The following PCCB variants were observed in gnomAD, a reference collection of about 807,000 sequenced individuals.
The protein encoded by PCCB is propionyl-CoA carboxylase beta chain, mitochondrial.
In PCCB, 43 loss-of-function variants were observed where a neutral mutation model predicts 60.7. The ratio of observed to expected loss-of-function variants is 0.71; its 90% CI spans 0.55 to 0.91. PCCB has a LOEUF of 0.91. PCCB is among the 40% of genes least tolerant of loss of function. The pLI, the probability that PCCB is intolerant of heterozygous loss-of-function variation, is 0.00. For missense variants in PCCB, 766 were observed against 702.8 expected (o/e 1.09, Z -1.02); for synonymous variants, 276 against 255.9 (o/e 1.08, Z -0.75).
chr3:136,289,789 C>CTTTTT (rs147625921), intron 6 of PCCB, among the ~76,000 whole-genome samples: 1 of 141,796 alleles, frequency 7.1e-6, no homozygotes, highest in Non-Finnish European at 1.5e-5. Flanking sequence ...ACATGTTATA[C>CTTTTT]TTTTTTTTTA....
chr3:136,259,215 T>G, intron 3 of PCCB: 1 of 1,368,788 alleles, frequency 7.3e-7, no homozygotes, highest in African/African-American at 1.5e-5. Context: ...GCTTGTCATC[T>G]CAGCACTTTG....
intron 5 of PCCB, among the ~76,000 whole-genome samples, chr3:136,277,223 A>T (rs937567775): frequency 6.6e-6 from 1 of 152,194 alleles, no homozygotes; most frequent in Admixed American, 6.5e-5. Flanking sequence ...ACGTGGACAG[A>T]TGCAGGACCT....
At chr3:136,310,188 A>C (rs1051134268) in intron 9 of PCCB, among the ~76,000 whole-genome samples, 3 of 152,020 alleles carry the variant, frequency 2.0e-5, no homozygotes, top group Non-Finnish European at 4.4e-5. Context: ...ACATGGAGAA[A>C]CCTCGTCTTT....
intron 9 of PCCB, among the ~76,000 whole-genome samples, chr3:136,310,985 A>G (rs990229076): frequency 6.6e-6 from 1 of 152,200 alleles, no homozygotes; most frequent in Non-Finnish European, 1.5e-5. Context: ...CACCTAATAA[A>G]GACTAGCTTC....
intron 1 of PCCB, among the ~76,000 whole-genome samples, chr3:136,253,204 C>T (rs921714552): frequency 9.9e-5 from 15 of 150,938 alleles, no homozygotes; most frequent in Admixed American, 8.6e-4. Flanking sequence ...GTTCTCCTGC[C>T]TCAGCCTCCT....
chr3:136,256,076 C>A, intron 2 of PCCB, 101 bp downstream of exon 2: 1 of 1,537,592 alleles, frequency 6.5e-7, no homozygotes, highest in Non-Finnish European at 9.0e-7. Flanking sequence ...CTGAAGTCCT[C>A]TGCAGAGGCA....
In PCCB at chr3:136,296,444, T is replaced by C. The variant is rs75264286; in HGVS notation, c.764-1508T>C. Among the ~76,000 whole-genome samples the C allele has an allele frequency of 3.9e-5, 6 of 152,372 alleles. No individual in the cohort carries two copies. In the East Asian group the frequency reaches 9.6e-4, roughly 24 times the overall value. ...CATGTTGTATCATGAATCAGTACTT[T>C]ATTCATTTTTATGGCCGAATAATAT... On this transcript the variant is annotated intron_variant, in intron 7 of 14. Transcript: ENST00000251654.
At position 136,297,933 on chromosome 3, in the gene PCCB, A is replaced by G. The variant is rs779517974; in HGVS notation, c.764-19A>G. 1 of 1,613,934 alleles carries G rather than the reference A, an allele frequency of 6.2e-7. No homozygotes were observed. Among genetic ancestry groups the G allele is most frequent in the Non-Finnish European group, 8.5e-7 (1 of 1,179,856 alleles). ...GGCTGGTACCCTGACTCAATCATAT[A>G]TGCTCCCTGTTCTCTTAGGTGTGGC... On this transcript the variant is annotated intron_variant, in intron 7 of 14. Transcript: ENST00000251654.
At chr3:136,273,597 C>CT in intron 5 of PCCB, among the ~76,000 whole-genome samples, 2,537 of 45,286 alleles carry the variant, frequency 0.056, 72 homozygotes, top group Non-Finnish European at 0.069. Flanking sequence ...TTTCTTTTTT[C>CT]TTTTTTTTTT....
At chr3:136,262,205 G>C (rs901595396) in intron 5 of PCCB, 140 bp downstream of exon 5, 2 of 696,016 alleles carry the variant, frequency 2.9e-6, no homozygotes, top group African/African-American at 3.5e-5. Flanking sequence ...GTGTCACTGG[G>C]GGTGGGATGA....
intron 9 of PCCB, among the ~76,000 whole-genome samples, chr3:136,306,565 G>A (rs1469302822): frequency 1.6e-5 from 2 of 122,780 alleles, no homozygotes; most frequent in African/African-American, 2.5e-5. Context: ...TGGTGGATAT[G>A]TTAACTAGCT....
intron 7 of PCCB, 32 bp from the exon 8 acceptor site, chr3:136,297,920 G>T: frequency 6.2e-7 from 1 of 1,613,766 alleles, no homozygotes; most frequent in Non-Finnish European, 8.5e-7. Flanking sequence ...CTGGTACCCT[G>T]ACTCAATCAT....
At chr3:136,275,128 T>G (rs1942306079) in intron 5 of PCCB, among the ~76,000 whole-genome samples, 1 of 152,160 alleles carries the variant, frequency 6.6e-6, no homozygotes, top group African/African-American at 2.4e-5. Context: ...TTTCTTTTGA[T>G]TCTTTTTTCT....
chr3:136,313,490 T>C (rs1043835573), intron 9 of PCCB, among the ~76,000 whole-genome samples: 1 of 152,210 alleles, frequency 6.6e-6, no homozygotes, highest in Admixed American at 6.5e-5. Flanking sequence ...TCTGTACTGT[T>C]ACTTTCCATG....
chr3:136,266,130 G>A (rs1238793643), intron 5 of PCCB, among the ~76,000 whole-genome samples: 1 of 138,150 alleles, frequency 7.2e-6, no homozygotes, highest in Non-Finnish European at 1.6e-5. Flanking sequence ...GCCCAGCCTT[G>A]GTTTTTTTTT....
intron 5 of PCCB, among the ~76,000 whole-genome samples, chr3:136,269,032 G>A (rs774058647): frequency 6.6e-6 from 1 of 152,170 alleles, no homozygotes; most frequent in African/African-American, 2.4e-5. Context: ...TGTAATCCTA[G>A]CACTTGGGGA....
chr3:136,271,755 T>C (rs901252098), intron 5 of PCCB, among the ~76,000 whole-genome samples: 1 of 152,200 alleles, frequency 6.6e-6, no homozygotes, highest in Non-Finnish European at 1.5e-5. Context: ...TAGGAGTCTT[T>C]TGGATGAGTC....
intron 3 of PCCB, among the ~76,000 whole-genome samples, chr3:136,258,539 TTTCTGGGGAGCTTCTGTTC>T (rs1396654466): frequency 6.6e-6 from 1 of 152,132 alleles, no homozygotes; most frequent in Non-Finnish European, 1.5e-5. Flanking sequence ...TTAGGTGCTT[TTTCTGGGGAGCTTCTGTTC>T]TTCTGGGGAG....
At chr3:136,328,225 A>G (rs1050857033) in intron 13 of PCCB, among the ~76,000 whole-genome samples, 5 of 152,104 alleles carry the variant, frequency 3.3e-5, no homozygotes, top group African/African-American at 1.2e-4. Flanking sequence ...GCTTTGAAGT[A>G]GCTATTGTGG....
Sources: gnomAD v4.1 joint callset for allele counts (sites outside exome capture counted in the v4.1 genomes callset) on GRCh38, gnomAD v4.1.1 for gene constraint, MANE v1.5 for transcripts, NCBI Gene and HGNC (gene_info 2026-07-23, HGNC 2026-07-21) for gene names.